Variants in SCN1A observed in about 807,000 individuals in gnomAD.
SCN1A encodes the protein sodium channel protein type 1 subunit alpha.
In SCN1A, 13 loss-of-function variants were observed where a neutral mutation model predicts 193.7. That is an observed-to-expected ratio of 0.07 (90% confidence interval 0.04 to 0.11). The LOEUF (loss-of-function observed/expected upper bound fraction) is 0.11, where lower values mean the gene tolerates loss of function less well. Among genes scored for constraint, SCN1A ranks in the 10% least tolerant of loss-of-function variants. The pLI, the probability that SCN1A is intolerant of heterozygous loss-of-function variation, is 1.00. For synonymous variants in SCN1A, 781 were observed against 843.6 expected (o/e 0.93, Z 1.29); for missense variants, 1,432 against 2,451.1 (o/e 0.58, Z 8.78).
chr2:166,147,586 A>G (rs1692374506), intron 1 of SCN1A, among the ~76,000 whole-genome samples: 1 of 152,160 alleles, frequency 6.6e-6, no homozygotes, highest in African/African-American at 2.4e-5. Context: ...TTTTTAACTT[A>G]TGAGGAATAG....
intron 7 of SCN1A, among the ~76,000 whole-genome samples, chr2:166,053,404 T>A (rs1698807334): frequency 6.6e-6 from 1 of 152,004 alleles, no homozygotes; most frequent in Middle Eastern, 3.2e-3. Context: ...GGCTATGGTT[T>A]AGGGTTTTAG....
intron 3 of SCN1A, among the ~76,000 whole-genome samples, chr2:166,076,247 A>T (rs1284158371): frequency 1.3e-5 from 2 of 151,986 alleles, no homozygotes; most frequent in Non-Finnish European, 2.9e-5. Flanking sequence ...AGGAAAAAGG[A>T]TATAAAATAT....
intron 4 of SCN1A, among the ~76,000 whole-genome samples, chr2:166,063,332 T>C (rs1683515800): frequency 6.6e-6 from 1 of 152,038 alleles, no homozygotes; most frequent in South Asian, 2.1e-4. Flanking sequence ...TACAATAGGG[T>C]TGTTCTAGCT....
At chr2:166,090,336 G>T (rs961350789) in intron 2 of SCN1A, among the ~76,000 whole-genome samples, 3 of 152,034 alleles carry the variant, frequency 2.0e-5, no homozygotes, top group African/African-American at 4.8e-5. Flanking sequence ...CAGCAAGAAA[G>T]AGAAAAGAAT....
chr2:166,098,211 C>T (rs1687609205), intron 2 of SCN1A, among the ~76,000 whole-genome samples: 1 of 151,854 alleles, frequency 6.6e-6, no homozygotes, highest in African/African-American at 2.4e-5. Flanking sequence ...AAGGTTGGTT[C>T]AACATATACA....
At chr2:166,107,707 G>A (rs1254061909) in intron 2 of SCN1A, among the ~76,000 whole-genome samples, 3 of 151,934 alleles carry the variant, frequency 2.0e-5, no homozygotes, top group Admixed American at 1.3e-4. Context: ...AATTTAATTG[G>A]GAAAGAATAA....
chr2:166,031,551 A>C (rs1300259495), intron 19 of SCN1A, among the ~76,000 whole-genome samples: 1 of 152,152 alleles, frequency 6.6e-6, no homozygotes, highest in Non-Finnish European at 1.5e-5. Flanking sequence ...ATAAACAGAA[A>C]ATATAAAATG....
At position 165,992,536 on chromosome 2, in the gene SCN1A, A is replaced by AG; in HGVS notation, c.4853-115_4853-114insC. 1.1e-6 allele frequency: 1 copy of AG among 889,090 alleles called. No individual in the cohort carries two copies. 55.1% of individuals were successfully genotyped at this position (889,090 alleles called of 1,614,324 possible). ...CAGAGTCCTGAACCCAGTTATATTA[A>AG]ATATGACAACTATATATAATATATA... On this transcript the variant is annotated intron_variant, in intron 28 of 28. Coordinates refer to ENST00000674923, the MANE Select transcript of SCN1A (RefSeq NM_001165963.4). The surrounding 1 kb of genome is among the most constrained non-coding windows in gnomAD (Gnocchi z 6.5).
At chr2:166,104,733 T>A (rs973052344) in intron 2 of SCN1A, among the ~76,000 whole-genome samples, 7 of 152,084 alleles carry the variant, frequency 4.6e-5, no homozygotes, top group Admixed American at 4.6e-4. Flanking sequence ...CAGAGCCAGA[T>A]CTTGTCTCAA....
intron 5 of SCN1A, among the ~76,000 whole-genome samples, chr2:166,057,040 A>T (rs1699203613): frequency 1.3e-5 from 2 of 152,082 alleles, no homozygotes; most frequent in Admixed American, 6.6e-5. Flanking sequence ...GAGTTTATAC[A>T]AGTGCAGCAG....
chr2:166,114,550 A>G (rs1367175781), intron 2 of SCN1A, among the ~76,000 whole-genome samples: 1 of 152,164 alleles, frequency 6.6e-6, no homozygotes. Flanking sequence ...TGTTTTCCTT[A>G]ATCAAGAAAA....
intron 2 of SCN1A, among the ~76,000 whole-genome samples, chr2:166,094,574 T>C (rs1687169640): frequency 6.6e-6 from 1 of 152,184 alleles, no homozygotes; most frequent in Non-Finnish European, 1.5e-5. Context: ...TGTTTCAAAG[T>C]AGGGCCAAAT....
chr2:166,088,048 C>T (rs1172707337), intron 2 of SCN1A, among the ~76,000 whole-genome samples: 1 of 137,394 alleles, frequency 7.3e-6, no homozygotes, highest in Admixed American at 7.8e-5. Context: ...ATCCCACAAT[C>T]TGTGTGTTTG....
At chr2:166,119,676 A>C (rs1292050390) in intron 2 of SCN1A, among the ~76,000 whole-genome samples, 1 of 152,170 alleles carries the variant, frequency 6.6e-6, no homozygotes, top group Non-Finnish European at 1.5e-5. Flanking sequence ...TATTAGACCG[A>C]TTCCCAAAGC....
chr2:166,009,919 T>C, intron 22 of SCN1A, 78 bp from the exon 23 acceptor site: 1 of 1,355,706 alleles, frequency 7.4e-7, no homozygotes, highest in Admixed American at 1.7e-5. Flanking sequence ...ACAACAAGTA[T>C]AATTTTTGCT....
intron 6 of SCN1A, among the ~76,000 whole-genome samples, chr2:166,055,933 T>C (rs989650822): frequency 7.2e-5 from 11 of 152,194 alleles, no homozygotes; most frequent in African/African-American, 2.2e-4. Context: ...TATTTTTCAA[T>C]TTGTTGGTGA....
chr2:166,000,275 C>A (rs1690647223), intron 24 of SCN1A, among the ~76,000 whole-genome samples: 1 of 151,648 alleles, frequency 6.6e-6, no homozygotes, highest in South Asian at 2.1e-4. Flanking sequence ...TTGCAACTAT[C>A]CTTTTAAGAA....
intron 17 of SCN1A, 40 bp downstream of exon 17, chr2:166,039,383 A>C: frequency 6.3e-7 from 1 of 1,592,394 alleles, no homozygotes; most frequent in Non-Finnish European, 8.6e-7. Context: ...TGATTGTTAG[A>C]AAGGTTTTTG....
chr2:166,057,652 A>G (rs1241957387), intron 5 of SCN1A, among the ~76,000 whole-genome samples: 1 of 152,042 alleles, frequency 6.6e-6, no homozygotes, highest in African/African-American at 2.4e-5. Context: ...CAAATCTTTT[A>G]ATTTTAGTAA....
Sources: allele counts gnomAD v4.1 joint callset (sites outside exome capture counted in the v4.1 genomes callset), GRCh38; gene constraint gnomAD v4.1.1; non-coding constraint Gnocchi (gnomAD v3.1); transcripts MANE v1.5; gene names NCBI Gene and HGNC (gene_info 2026-07-23, HGNC 2026-07-21).